USP53: variants seen among roughly 807,000 people sequenced by gnomAD.
The protein encoded by USP53 is ubiquitin carboxyl-terminal hydrolase 53.
In USP53, 71 loss-of-function variants were observed where a neutral mutation model predicts 94.9. The ratio of observed to expected loss-of-function variants is 0.75; its 90% CI spans 0.62 to 0.91. The LOEUF (loss-of-function observed/expected upper bound fraction) is 0.91, where lower values mean the gene tolerates loss of function less well. Ranked by LOEUF, USP53 falls within the 40% of genes least tolerant of loss-of-function variation. The pLI, the probability that USP53 is intolerant of heterozygous loss-of-function variation, is 0.00. For synonymous variants in USP53, 375 were observed against 422.7 expected (o/e 0.89, Z 1.39); for missense variants, 1,173 against 1,281.0 (o/e 0.92, Z 1.29).
At chr4:119,290,941 A>C (rs1316257795) in intron 17 of USP53, among the ~76,000 whole-genome samples, 1 of 152,170 alleles carries the variant, frequency 6.6e-6, no homozygotes, top group African/African-American at 2.4e-5. Context: ...CATGGATGAC[A>C]CCCTCAAGTG....
chr4:119,263,192 G>A (rs967333331), intron 12 of USP53, among the ~76,000 whole-genome samples: 2 of 152,188 alleles, frequency 1.3e-5, no homozygotes, highest in Non-Finnish European at 2.9e-5. Context: ...TATAGAAATA[G>A]CCATTTCACT....
At chr4:119,288,645 A>C (rs887585619) in intron 17 of USP53, among the ~76,000 whole-genome samples, 9 of 152,306 alleles carry the variant, frequency 5.9e-5, no homozygotes, top group African/African-American at 1.9e-4. Flanking sequence ...TTTAAAAAAT[A>C]CTGGTTTGCA....
intron 3 of USP53, among the ~76,000 whole-genome samples, chr4:119,228,277 T>A (rs913559577): frequency 6.6e-6 from 1 of 152,172 alleles, no homozygotes; most frequent in Non-Finnish European, 1.5e-5. Context: ...GGTTCCTGTT[T>A]CTTTGTTAGC....
At position 119,259,924 on chromosome 4, in the gene USP53, C is replaced by T. The variant is rs754652289; in HGVS notation, c.674C>T (p.Pro225Leu). The change falls in exon 10 of 19, where the codon CCT becomes CTT. Residue 225 changes from proline to leucine, a missense_variant and splice_region_variant. Pro to Leu is a moderately conservative substitution (Grantham distance 98). Transcript: ENST00000692078. ...ANTTDDYRKC[P>L]SNCGQKIKIR... ...ACAACAGATGACTATAGGAAATGTC[C>T]TGTAAGTATAGTTTGGAGAATATTA... 4 of 1,601,656 alleles carry T rather than the reference C, an allele frequency of 2.5e-6. No homozygotes were observed. In the Middle Eastern group the frequency reaches 5.0e-4, roughly 200 times the overall value.
Position 119,260,513 on chromosome 4 carries a change from T to A in USP53, c.682T>A (p.Cys228Ser). Reference sequence around the variant, plus strand: ...CTTTTATGTTTTTCTGTAGAGTAACTGTGGCCAAAAAATAAAAATTCGCCG... The same window carrying A: ...CTTTTATGTTTTTCTGTAGAGTAACAGTGGCCAAAAAATAAAAATTCGCCG... Reference protein sequence around the residue: ...TDDYRKCPSNCGQKIKIRRVL... With the variant: ...TDDYRKCPSNSGQKIKIRRVL... The change falls in exon 11 of 19, where the codon TGT (cysteine) becomes AGT (serine). Residue 228 changes from cysteine (C) to serine (S), a missense_variant. By Grantham distance (112) the Cys-to-Ser change is moderately radical. Coordinates refer to ENST00000692078, the MANE Select transcript of USP53 (RefSeq NM_001371395.1). 2 of 1,613,582 alleles carry A rather than the reference T, an allele frequency of 1.2e-6. No homozygotes were observed. Among genetic ancestry groups the A allele is most frequent in the Non-Finnish European group, 1.7e-6 (2 of 1,179,688 alleles).
intron 16 of USP53, chr4:119,272,910 GTGTT>G (rs2149424283): frequency 6.6e-6 from 1 of 152,236 alleles, no homozygotes; most frequent in East Asian, 1.9e-4. Flanking sequence ...TTCTAACAAT[GTGTT>G]TGTTTGATAT....
chr4:119,248,671 T>C, intron 6 of USP53, 77 bp from the exon 7 acceptor site: 3 of 1,528,760 alleles, frequency 2.0e-6, no homozygotes, highest in Non-Finnish European at 2.6e-6. Context: ...GTTTTGAGTT[T>C]CTCTGTGTTG....
intron 17 of USP53, among the ~76,000 whole-genome samples, chr4:119,279,932 T>TG (rs1753285934): frequency 6.6e-6 from 1 of 152,212 alleles, no homozygotes; most frequent in South Asian, 2.1e-4. Flanking sequence ...GCTTCCCAGG[T>TG]GAGGCAATGC....
Position 119,239,281 on chromosome 4 carries a change from GA to G in USP53, c.-478del. On this transcript the variant is annotated 5_prime_UTR_variant, in exon 5 of 19. The change abolishes the stop of an existing upstream ORF in the 5' untranslated region. Transcript: ENST00000692078. ...ACCTTTTATAACTTCACCTGGGAAA[GA>G]GAGAGAAAACTTTCTTGTTAAAAAA... 6.6e-6 allele frequency: 1 copy of G among 152,386 alleles called. No individual in the cohort carries two copies. The highest frequency in any genetic ancestry group is 1.9e-4 in the East Asian group (1 of 5,190). 9.4% of individuals were successfully genotyped at this position (152,386 alleles called of 1,614,324 possible).
At chr4:119,281,478 T>G (rs191351582) in intron 17 of USP53, among the ~76,000 whole-genome samples, 1 of 152,328 alleles carries the variant, frequency 6.6e-6, no homozygotes, top group East Asian at 1.9e-4. Context: ...TCAAATGGTA[T>G]ACTATCAGAA....
At position 119,212,762 on chromosome 4, in the gene USP53, G is replaced by GGC. The variant is rs1561161254; in HGVS notation, c.-1053_-1052insGC. On this transcript the variant is annotated 5_prime_UTR_variant, in exon 1 of 19. Coordinates refer to ENST00000692078, the MANE Select transcript of USP53 (RefSeq NM_001371395.1). ...TGGCAGCAGTCAGTGTGTCTGGCGG[G>GGC]TGTCGGCGTGAAGCGGGGCTGGGCC... 3.2e-6 allele frequency: 1 copy of GGC among 316,208 alleles called. No individual in the cohort carries two copies. Among genetic ancestry groups the GGC allele is most frequent in the Non-Finnish European group, 6.4e-6 (1 of 156,760 alleles). The allele number at this position is 316,208 out of a possible 1,614,324, so 19.6% of individuals were successfully genotyped here. A position where few individuals can be genotyped will look rare whatever the true frequency, so the allele number is the denominator to read the frequency against.
chr4:119,243,428 G>T (rs563569929), intron 5 of USP53, among the ~76,000 whole-genome samples: 1 of 152,248 alleles, frequency 6.6e-6, no homozygotes, highest in East Asian at 1.9e-4. Context: ...AACCCAGGAG[G>T]TGGAGGTTGC....
rs1429080376 is a variant in USP53 at position 119,267,181 on chromosome 4, A to G, written c.973-139A>G. ...GACTAGTTACTAAATACAGTTAATTATATGATACATACTTGAACTACTAGC... is the reference window on the plus strand; with the variant it reads ...GACTAGTTACTAAATACAGTTAATTGTATGATACATACTTGAACTACTAGC... On this transcript the variant is annotated intron_variant, in intron 12 of 18. Transcript: ENST00000692078. The G allele has an allele frequency of 6.7e-6, 4 of 599,414 alleles. No homozygotes were observed. In the East Asian group the frequency reaches 1.2e-4, roughly 19 times the overall value. The allele number at this position is 599,414 out of a possible 1,614,324, so 37.1% of individuals were successfully genotyped here. A position where few individuals can be genotyped will look rare whatever the true frequency, so the allele number is the denominator to read the frequency against.
intron 2 of USP53, among the ~76,000 whole-genome samples, chr4:119,216,364 G>T (rs1023939820): frequency 2.1e-5 from 3 of 144,192 alleles, no homozygotes; most frequent in Non-Finnish European, 4.5e-5. Flanking sequence ...CTGGGCGACC[G>T]AGTGAGACTC....
rs556982520 is a variant in USP53 at position 119,259,758 on chromosome 4, T to A, written c.570-62T>A. 10 of 1,268,490 alleles carry A rather than the reference T, an allele frequency of 7.9e-6. No homozygotes were observed. In the South Asian group the frequency reaches 8.1e-5, roughly 10 times the overall value. The allele number at this position is 1,268,490 out of a possible 1,614,324, so 78.6% of individuals were successfully genotyped here. On this transcript the variant is annotated intron_variant, in intron 9 of 18. Transcript: ENST00000692078. ...ACATCTAAACTGACAATATTTTTCA[T>A]GTGTAATTTATTAAAGTTTTAAGTT...
At chr4:119,249,137 G>T (rs1277893767) in intron 7 of USP53, among the ~76,000 whole-genome samples, 4 of 152,112 alleles carry the variant, frequency 2.6e-5, no homozygotes, top group Non-Finnish European at 5.9e-5. Flanking sequence ...AAACTTAGTT[G>T]GAGCAATAAG....
intron 7 of USP53, among the ~76,000 whole-genome samples, chr4:119,252,742 G>T (rs1012913866): frequency 3.7e-4 from 56 of 151,924 alleles, no homozygotes; most frequent in African/African-American, 1.3e-3. Context: ...CTTCAGTTTT[G>T]CTCTGAACCT....
chr4:119,278,539 T>G (rs1369023923), intron 17 of USP53, among the ~76,000 whole-genome samples: 9 of 140,396 alleles, frequency 6.4e-5, no homozygotes, highest in South Asian at 2.5e-4. Context: ...TAACATTTTT[T>G]CCTTCATTTC....
At chr4:119,287,047 TACTTA>T (rs765022670) in intron 17 of USP53, among the ~76,000 whole-genome samples, 23 of 152,188 alleles carry the variant, frequency 1.5e-4, no homozygotes, top group East Asian at 3.9e-4. Flanking sequence ...TCTCAATTCA[TACTTA>T]ACTTGTCTTG....
Sources: allele counts gnomAD v4.1 joint callset (sites outside exome capture counted in the v4.1 genomes callset), GRCh38; gene constraint gnomAD v4.1.1; transcripts MANE v1.5; gene names NCBI Gene and HGNC (gene_info 2026-07-23, HGNC 2026-07-21).